PLEKHM3: variants seen among roughly 807,000 people sequenced by gnomAD.
PLEKHM3 encodes the protein pleckstrin homology domain-containing family M member 3.
Under a neutral mutation model 81.8 loss-of-function variants are expected in PLEKHM3, and 45 were observed. The observed-to-expected ratio is 0.55, with a 90% CI of 0.43 to 0.71. The LOEUF (loss-of-function observed/expected upper bound fraction) is 0.71, where lower values mean the gene tolerates loss of function less well. PLEKHM3 is among the 30% of genes least tolerant of loss of function. The pLI is 0.00. For synonymous variants in PLEKHM3, 352 were observed against 356.4 expected (o/e 0.99, Z 0.14); for missense variants, 788 against 924.3 (o/e 0.85, Z 1.91).
chr2:207,898,188 G>A (rs1412666717), intron 6 of PLEKHM3, among the ~76,000 whole-genome samples: 4 of 152,198 alleles, frequency 2.6e-5, no homozygotes, highest in Admixed American at 1.3e-4. Context: ...CAAAACTGGT[G>A]GCTGTGTTTT....
intron 6 of PLEKHM3, among the ~76,000 whole-genome samples, chr2:207,883,302 G>C (rs1687765483): frequency 6.6e-6 from 1 of 152,162 alleles, no homozygotes. Context: ...CCAGAGACTA[G>C]GCATCAAAAC....
chr2:207,909,912 A>G (rs1688756728), intron 5 of PLEKHM3, among the ~76,000 whole-genome samples: 1 of 152,208 alleles, frequency 6.6e-6, no homozygotes, highest in Admixed American at 6.5e-5. Context: ...TCCAATATTG[A>G]TTAAGCACAC....
At chr2:207,910,163 C>T (rs559558186) in intron 5 of PLEKHM3, among the ~76,000 whole-genome samples, 19 of 152,298 alleles carry the variant, frequency 1.2e-4, no homozygotes, top group Non-Finnish European at 2.6e-4. Flanking sequence ...CCCTTCAACT[C>T]TAATGGTTCA....
chr2:207,907,099 A>C (rs1377615518), intron 6 of PLEKHM3, among the ~76,000 whole-genome samples: 2 of 152,180 alleles, frequency 1.3e-5, no homozygotes, highest in Non-Finnish European at 2.9e-5. Context: ...GCTTCTCAGG[A>C]GTGAGTTGTT....
chr2:207,938,332 T>C (rs189757775), intron 4 of PLEKHM3, among the ~76,000 whole-genome samples: 3 of 152,222 alleles, frequency 2.0e-5, no homozygotes, highest in Admixed American at 2.0e-4. Context: ...CACCAGAAAA[T>C]AGACGAAATC....
At chr2:207,973,420 A>T (rs1691191097) in intron 3 of PLEKHM3, among the ~76,000 whole-genome samples, 1 of 152,206 alleles carries the variant, frequency 6.6e-6, no homozygotes, top group Non-Finnish European at 1.5e-5. Context: ...GAGATCAGGA[A>T]ATAAAGTATT....
At chr2:208,020,995 C>T (rs1378148612) in intron 1 of PLEKHM3, among the ~76,000 whole-genome samples, 1 of 152,174 alleles carries the variant, frequency 6.6e-6, no homozygotes, top group Non-Finnish European at 1.5e-5. Context: ...AAAGTCAGGC[C>T]TTTTGAAACT....
intron 6 of PLEKHM3, among the ~76,000 whole-genome samples, chr2:207,895,225 T>G (rs74538169): frequency 0.011 from 1,657 of 152,194 alleles, 29 homozygotes; most frequent in African/African-American, 0.037. Context: ...TGCTGTAAAA[T>G]GAGAGTGAAC....
At chr2:207,896,859 T>C (rs972960419) in intron 6 of PLEKHM3, among the ~76,000 whole-genome samples, 5 of 152,028 alleles carry the variant, frequency 3.3e-5, no homozygotes, top group Non-Finnish European at 5.9e-5. Flanking sequence ...ACTCCATGGT[T>C]TTCTTTAAGC....
intron 5 of PLEKHM3, among the ~76,000 whole-genome samples, chr2:207,914,170 T>C (rs940584439): frequency 7.9e-5 from 12 of 151,918 alleles, no homozygotes; most frequent in Middle Eastern, 3.4e-3. Context: ...CTGGGCAACA[T>C]AGCAAGACCC....
intron 6 of PLEKHM3, among the ~76,000 whole-genome samples, chr2:207,896,455 A>T (rs574700609): frequency 6.6e-6 from 1 of 152,340 alleles, no homozygotes; most frequent in South Asian, 2.1e-4. Flanking sequence ...TTAAAAAGAA[A>T]GAAACTCAGC....
chr2:207,996,012 C>T (rs967242370), intron 2 of PLEKHM3, among the ~76,000 whole-genome samples: 9 of 152,202 alleles, frequency 5.9e-5, no homozygotes, highest in African/African-American at 1.9e-4. Context: ...CCACAGTGAT[C>T]TCACCAGGCT....
At chr2:207,846,626 G>A (rs1167807405) in intron 7 of PLEKHM3, among the ~76,000 whole-genome samples, 1 of 152,044 alleles carries the variant, frequency 6.6e-6, no homozygotes, top group Non-Finnish European at 1.5e-5. Flanking sequence ...GGCAGGCTGA[G>A]GTGAGAGGAT....
At chr2:208,015,462 T>C (rs1389137169) in intron 1 of PLEKHM3, among the ~76,000 whole-genome samples, 1 of 107,396 alleles carries the variant, frequency 9.3e-6, no homozygotes, top group African/African-American at 3.0e-5. Context: ...GGAAGTAGTT[T>C]ATAGTTAATT....
chr2:207,918,025 C>T (rs1689052617), intron 5 of PLEKHM3, among the ~76,000 whole-genome samples: 1 of 152,092 alleles, frequency 6.6e-6, no homozygotes. Context: ...ATTCTACCAG[C>T]TCATTTAGTA....
chr2:207,923,880 C>CACACACATATAT (rs1319162543), intron 5 of PLEKHM3, among the ~76,000 whole-genome samples: 14 of 56,782 alleles, frequency 2.5e-4, no homozygotes, highest in Non-Finnish European at 2.9e-4. Flanking sequence ...CACACACACA[C>CACACACATATAT]ATATATATAT....
intron 2 of PLEKHM3, among the ~76,000 whole-genome samples, 155 bp downstream of exon 2, chr2:208,000,875 G>T (rs2106090173): frequency 6.6e-6 from 1 of 151,776 alleles, no homozygotes; most frequent in South Asian, 2.1e-4. Context: ...GTGGATGCTG[G>T]AGCATAAGAT....
At chr2:207,987,755 C>T (rs945507079) in intron 2 of PLEKHM3, among the ~76,000 whole-genome samples, 3 of 152,166 alleles carry the variant, frequency 2.0e-5, no homozygotes, top group South Asian at 2.1e-4. Flanking sequence ...ATTCTTTACA[C>T]AGGCATTTTT....
At chr2:207,978,350 C>T (rs922230016) in intron 2 of PLEKHM3, among the ~76,000 whole-genome samples, 8 of 142,404 alleles carry the variant, frequency 5.6e-5, no homozygotes, top group African/African-American at 2.1e-4. Flanking sequence ...TTTACCATTA[C>T]TTTTAACGGT....
Sources: gnomAD v4.1 joint callset for allele counts (sites outside exome capture counted in the v4.1 genomes callset) on GRCh38, gnomAD v4.1.1 for gene constraint, MANE v1.5 for transcripts, NCBI Gene and HGNC (gene_info 2026-07-23, HGNC 2026-07-21) for gene names.